Variants in ZYG11A observed in about 807,000 individuals in gnomAD.
ZYG11A encodes the protein zyg-11 family member A, cell cycle regulator.
In ZYG11A, 62 loss-of-function variants were observed where a neutral mutation model predicts 77.2. The ratio of observed to expected loss-of-function variants is 0.80; its 90% CI spans 0.65 to 0.99. ZYG11A has a LOEUF of 0.99. Among genes scored for constraint, ZYG11A ranks in the 50% least tolerant of loss-of-function variants. The pLI is 0.00. For synonymous variants in ZYG11A, 315 were observed against 324.6 expected (o/e 0.97, Z 0.32); for missense variants, 828 against 896.8 (o/e 0.92, Z 0.98).
At chr1:52,874,288 G>A (rs965920702) in intron 8 of ZYG11A, among the ~76,000 whole-genome samples, 1 of 152,034 alleles carries the variant, frequency 6.6e-6, no homozygotes, top group Non-Finnish European at 1.5e-5. Flanking sequence ...CTGTTGCCCA[G>A]GCTGGAGTGC....
intron 11 of ZYG11A, among the ~76,000 whole-genome samples, chr1:52,883,453 A>T (rs1232412515): frequency 4.1e-4 from 58 of 140,854 alleles, no homozygotes; most frequent in Admixed American, 7.8e-4. Flanking sequence ...TTTTTTTTTG[A>T]GACTCGGTCT....
In ZYG11A at chr1:52,887,058, G is replaced by A; in HGVS notation, c.2104+5G>A. ...ATCATGTCTGCAGTAAAAATCGTATGTATTCAACATATATTCAAAACATAA... is the reference window on the plus strand; with the variant it reads ...ATCATGTCTGCAGTAAAAATCGTATATATTCAACATATATTCAAAACATAA... On this transcript the variant is annotated splice_donor_5th_base_variant and intron_variant, in intron 13 of 13. Coordinates refer to ENST00000371528, the MANE Select transcript of ZYG11A (RefSeq NM_001004339.3). 1 of 1,440,988 alleles carries A rather than the reference G, an allele frequency of 6.9e-7. No homozygotes were observed. The highest frequency in any genetic ancestry group is 2.0e-5 in the Admixed American group (1 of 49,438). 89.3% of individuals were successfully genotyped at this position (1,440,988 alleles called of 1,614,324 possible).
At chr1:52,883,006 T>C (rs902543777) in intron 11 of ZYG11A, among the ~76,000 whole-genome samples, 1 of 152,088 alleles carries the variant, frequency 6.6e-6, no homozygotes, top group African/African-American at 2.4e-5. Context: ...AGCTCATTTA[T>C]CTTTTTTGTT....
chr1:52,854,581 T>A lies in ZYG11A; in HGVS notation c.207T>A (p.Ser69Arg). Residue 69 changes from serine (S) to arginine (R), a missense_variant, in exon 2 of 14, where the codon AGT (serine) becomes AGA (arginine). By Grantham distance (110) the Ser-to-Arg change is moderately radical. Coordinates refer to ENST00000371528, the MANE Select transcript of ZYG11A (RefSeq NM_001004339.3). The stretch of plus-strand genomic sequence containing the variant: ...CACTGTGCCTTCCGGAGCATTGGAG[T>A]TTCCCTCAGGAAGTAGCCGAGCGAT... ...DGTLCLPEHWSFPQEVAERFL... is the reference protein window; with the variant it reads ...DGTLCLPEHWRFPQEVAERFL... 1 of 1,548,294 alleles carries A rather than the reference T, an allele frequency of 6.5e-7. No individual in the cohort carries two copies. Among genetic ancestry groups the A allele is most frequent in the South Asian group, 1.2e-5 (1 of 83,346 alleles).
At chr1:52,870,901 GGA>G (rs1293534583) in intron 8 of ZYG11A, among the ~76,000 whole-genome samples, 1 of 151,926 alleles carries the variant, frequency 6.6e-6, no homozygotes, top group Non-Finnish European at 1.5e-5. Flanking sequence ...AGAGGGAGAG[GGA>G]GAGGGGATTT....
intron 1 of ZYG11A, among the ~76,000 whole-genome samples, chr1:52,846,800 T>A (rs1030673458): frequency 6.6e-6 from 1 of 152,004 alleles, no homozygotes; most frequent in Admixed American, 6.6e-5. Flanking sequence ...AGAGTGGTAC[T>A]AGGACCAAAA....
intron 13 of ZYG11A, among the ~76,000 whole-genome samples, chr1:52,890,711 C>T (rs892670510): frequency 4.6e-5 from 7 of 151,542 alleles, no homozygotes; most frequent in Non-Finnish European, 7.4e-5. Context: ...TCAGGTGACT[C>T]TCCCACTTCA....
intron 1 of ZYG11A, among the ~76,000 whole-genome samples, chr1:52,847,121 CG>C (rs1645602325): frequency 6.6e-6 from 1 of 152,012 alleles, no homozygotes; most frequent in Non-Finnish European, 1.5e-5. Flanking sequence ...AGTGCGGTGG[CG>C]TGATCTCGAT....
chr1:52,881,413 T>C, intron 10 of ZYG11A, 58 bp from the exon 11 acceptor site: 8 of 1,315,890 alleles, frequency 6.1e-6, no homozygotes, highest in Non-Finnish European at 8.2e-6. Flanking sequence ...AAAAAGCCAA[T>C]TCCTGATTCT....
intron 13 of ZYG11A, among the ~76,000 whole-genome samples, chr1:52,887,751 G>A (rs1388302159): frequency 1.3e-5 from 2 of 151,962 alleles, no homozygotes; most frequent in East Asian, 3.9e-4. Context: ...AGCCAGGTAT[G>A]TGTGGCATCC....
chr1:52,850,546 C>T (rs924552720), intron 1 of ZYG11A, among the ~76,000 whole-genome samples: 2 of 152,068 alleles, frequency 1.3e-5, no homozygotes, highest in East Asian at 1.9e-4. Context: ...TCTCGAACTC[C>T]TGACCTTGTG....
At chr1:52,848,317 G>A (rs1003169014) in intron 1 of ZYG11A, among the ~76,000 whole-genome samples, 2 of 152,088 alleles carry the variant, frequency 1.3e-5, no homozygotes, top group African/African-American at 2.4e-5. Flanking sequence ...GCTTTGTTTT[G>A]GTGACAATTC....
chr1:52,849,287 C>G (rs936749436), intron 1 of ZYG11A, among the ~76,000 whole-genome samples: 10 of 152,022 alleles, frequency 6.6e-5, no homozygotes, highest in African/African-American at 1.2e-4. Context: ...CCAGGATGGT[C>G]TCAATCTCCT....
At chr1:52,866,928 A>G (rs1398679016) in intron 6 of ZYG11A, among the ~76,000 whole-genome samples, 1 of 152,234 alleles carries the variant, frequency 6.6e-6, no homozygotes, top group African/African-American at 2.4e-5. Context: ...TATAAAGAAT[A>G]TTAGTAATTT....
intron 13 of ZYG11A, among the ~76,000 whole-genome samples, chr1:52,891,208 C>G (rs1037110842): frequency 2.0e-5 from 3 of 151,968 alleles, no homozygotes; most frequent in African/African-American, 7.3e-5. Context: ...CCAACTGGGT[C>G]TAAATCTGCT....
intron 13 of ZYG11A, among the ~76,000 whole-genome samples, chr1:52,888,154 A>G (rs1456905261): frequency 6.6e-6 from 1 of 152,236 alleles, no homozygotes; most frequent in South Asian, 2.1e-4. Context: ...GACATGCAGT[A>G]AACTATGAGA....
Position 52,843,197 on chromosome 1 carries a change from G to C in ZYG11A, c.90+224G>C, listed in dbSNP as rs561650171. Among the ~76,000 whole-genome samples the C allele has an allele frequency of 9.7e-4, 147 of 152,196 alleles. 1 individual carries two copies. Among genetic ancestry groups the C allele is most frequent in the African/African-American group, 3.3e-3 (139 of 41,534 alleles). On this transcript the variant is annotated intron_variant, in intron 1 of 13. Coordinates refer to ENST00000371528, the MANE Select transcript of ZYG11A (RefSeq NM_001004339.3). The stretch of plus-strand genomic sequence containing the variant: ...CGCGGAGCGGGGGGTGCTTTTCTGC[G>C]CCCGGCGAAGCGCGTGGAACTTGCG...
intron 1 of ZYG11A, among the ~76,000 whole-genome samples, chr1:52,843,912 T>C (rs1173979844): frequency 1.3e-5 from 2 of 152,032 alleles, no homozygotes; most frequent in Non-Finnish European, 2.9e-5. Context: ...GGTTTCGAAC[T>C]CCAGACCTCG....
Position 52,857,627 on chromosome 1 carries a change from A to G in ZYG11A, c.886A>G (p.Asn296Asp). The change falls in exon 3 of 14, where the codon AAT becomes GAT. Residue 296 changes from asparagine to aspartate, a missense_variant. Physicochemically the swap from Asn to Asp is conservative, Grantham distance 23. Transcript: ENST00000371528. Reference sequence around the variant, plus strand: ...TGTGTCATTGGATATTTCTGGGGGCAATTGCATCACTGATGAAGCTGTAGA... The same window carrying G: ...TGTGTCATTGGATATTTCTGGGGGCGATTGCATCACTGATGAAGCTGTAGA... ...NVVSLDISGG[N>D]CITDEAVELF... The G allele has an allele frequency of 1.9e-6, 3 of 1,552,114 alleles. No homozygotes were observed. Among genetic ancestry groups the G allele is most frequent in the Non-Finnish European group, 2.6e-6 (3 of 1,147,084 alleles).
Sources: allele counts gnomAD v4.1 joint callset (sites outside exome capture counted in the v4.1 genomes callset), GRCh38; gene constraint gnomAD v4.1.1; transcripts MANE v1.5; gene names NCBI Gene and HGNC (gene_info 2026-07-23, HGNC 2026-07-21).